The following ADAMTS6 variants were observed in gnomAD, a reference collection of about 807,000 sequenced individuals.
ADAMTS6 encodes ADAM metallopeptidase with thrombospondin type 1 motif 6.
A neutral mutation model predicts 144.3 loss-of-function variants in ADAMTS6; 23 were observed. That is an observed-to-expected ratio of 0.16 (90% confidence interval 0.11 to 0.23). The LOEUF is 0.23. ADAMTS6 is among the 10% of genes least tolerant of loss of function. The pLI is 1.00. For synonymous variants in ADAMTS6, 444 were observed against 457.5 expected (o/e 0.97, Z 0.38); for missense variants, 999 against 1,379.6 (o/e 0.72, Z 4.37).
intron 10 of ADAMTS6, 129 bp from the exon 11 acceptor site, chr5:65,291,599 T>G: frequency 1.0e-6 from 1 of 965,216 alleles, no homozygotes; most frequent in Non-Finnish European, 1.4e-6. Flanking sequence ...TCCCAATAAA[T>G]AATCACATGG....
chr5:65,360,769 A>G (rs1453490264), intron 7 of ADAMTS6, among the ~76,000 whole-genome samples: 1 of 152,216 alleles, frequency 6.6e-6, no homozygotes. Flanking sequence ...TCCGACACCT[A>G]AGAAAAAGAG....
At chr5:65,479,018 T>A (rs1414188694) in intron 1 of ADAMTS6, among the ~76,000 whole-genome samples, 1 of 152,106 alleles carries the variant, frequency 6.6e-6, no homozygotes, top group Non-Finnish European at 1.5e-5. Context: ...GATCGGGGAG[T>A]AGCCAAGGTA....
intron 7 of ADAMTS6, among the ~76,000 whole-genome samples, chr5:65,378,216 A>T (rs1247372610): frequency 6.6e-6 from 1 of 152,198 alleles, no homozygotes; most frequent in Admixed American, 6.5e-5. Flanking sequence ...ATTTCAAATT[A>T]GATGCAGAAC....
At chr5:65,407,786 G>A (rs1320712550) in intron 7 of ADAMTS6, among the ~76,000 whole-genome samples, 2 of 152,128 alleles carry the variant, frequency 1.3e-5, no homozygotes, top group East Asian at 3.9e-4. Flanking sequence ...CTGCTATAAA[G>A]ACACATGCAC....
At chr5:65,245,825 G>C (rs1420396622) in intron 14 of ADAMTS6, among the ~76,000 whole-genome samples, 2 of 152,182 alleles carry the variant, frequency 1.3e-5, no homozygotes, top group East Asian at 3.9e-4. Context: ...GTAAATAAAT[G>C]GCCATGGTTG....
chr5:65,344,737 C>T (rs187206641), intron 7 of ADAMTS6, among the ~76,000 whole-genome samples: 1 of 151,654 alleles, frequency 6.6e-6, no homozygotes, highest in East Asian at 1.9e-4. Context: ...GCCTTATGTC[C>T]ACTCTGTCCT....
intron 7 of ADAMTS6, among the ~76,000 whole-genome samples, chr5:65,360,446 T>G (rs1402997886): frequency 6.6e-6 from 1 of 152,176 alleles, no homozygotes. Context: ...AAGCATATGT[T>G]AATTAGCTTG....
At chr5:65,197,755 G>C (rs890435364) in intron 20 of ADAMTS6, among the ~76,000 whole-genome samples, 3 of 152,062 alleles carry the variant, frequency 2.0e-5, no homozygotes, top group African/African-American at 7.2e-5. Context: ...CTGTTTATTC[G>C]AACAGAGTTG....
chr5:65,257,354 C>A (rs1325965167), intron 14 of ADAMTS6, among the ~76,000 whole-genome samples: 1 of 151,452 alleles, frequency 6.6e-6, no homozygotes, highest in Non-Finnish European at 1.5e-5. Flanking sequence ...ATCTTTAATT[C>A]AAATACATTT....
In ADAMTS6 at chr5:65,450,570, T is replaced by C. The variant is rs150675720; in HGVS notation, c.1073+905A>G. ...ATGCTTCCATTTTGCTTATTGTTTA[T>C]TGTTACTTTTTATTTTAAAATATTG... On this transcript the variant is annotated intron_variant, in intron 7 of 24. Transcript: ENST00000381055. Among the ~76,000 whole-genome samples, 314 of 152,336 alleles carry C rather than the reference T, an allele frequency of 2.1e-3. 2 individuals carry two copies. In the South Asian group the frequency reaches 0.024, roughly 11 times the overall value.
chr5:65,206,353 C>A (rs1284190387), intron 20 of ADAMTS6, among the ~76,000 whole-genome samples: 1 of 152,106 alleles, frequency 6.6e-6, no homozygotes, highest in Admixed American at 6.5e-5. Flanking sequence ...AACGTGGTCC[C>A]ACATCAGGAA....
intron 8 of ADAMTS6, among the ~76,000 whole-genome samples, chr5:65,331,358 C>T (rs930439476): frequency 6.6e-6 from 1 of 151,876 alleles, no homozygotes; most frequent in Admixed American, 6.6e-5. Flanking sequence ...ATTGAGAATT[C>T]TCAATGACTC....
chr5:65,398,778 G>A (rs1241627222), intron 7 of ADAMTS6, among the ~76,000 whole-genome samples: 65 of 44,052 alleles, frequency 1.5e-3, no homozygotes, highest in African/African-American at 7.4e-3. Context: ...AAAGAAGAGA[G>A]AGCAAGAAAG....
At chr5:65,283,679 T>C (rs1032015219) in intron 11 of ADAMTS6, among the ~76,000 whole-genome samples, 2 of 152,158 alleles carry the variant, frequency 1.3e-5, no homozygotes, top group Non-Finnish European at 1.5e-5. Context: ...CCTAAACCTG[T>C]ATAAAACAAC....
intron 11 of ADAMTS6, among the ~76,000 whole-genome samples, chr5:65,290,387 C>A (rs1208461682): frequency 6.6e-6 from 1 of 152,062 alleles, no homozygotes; most frequent in African/African-American, 2.4e-5. Context: ...CCCGTCTCTA[C>A]TAAAAATACA....
chr5:65,408,066 G>A (rs1055572545), intron 7 of ADAMTS6, among the ~76,000 whole-genome samples: 2 of 152,110 alleles, frequency 1.3e-5, no homozygotes, highest in African/African-American at 4.8e-5. Flanking sequence ...AAAGACCATC[G>A]ATGCTAGGAA....
chr5:65,274,925 T>G (rs188946139), intron 11 of ADAMTS6, among the ~76,000 whole-genome samples: 15 of 152,210 alleles, frequency 9.9e-5, no homozygotes, highest in Non-Finnish European at 1.8e-4. Context: ...CCTCGTGATC[T>G]GCCCCCACTT....
chr5:65,451,407 G>T (rs1758729420), intron 7 of ADAMTS6, 68 bp downstream of exon 7: 10 of 1,589,268 alleles, frequency 6.3e-6, no homozygotes, highest in African/African-American at 1.4e-5. Context: ...GCTTTACATA[G>T]AACCAAATTT....
At chr5:65,177,892 T>A (rs1754079845) in intron 22 of ADAMTS6, among the ~76,000 whole-genome samples, 1 of 152,186 alleles carries the variant, frequency 6.6e-6, no homozygotes, top group Non-Finnish European at 1.5e-5. Flanking sequence ...CTTCCAGGAT[T>A]CCACAACCTG....
Sources: allele counts gnomAD v4.1 joint callset (sites outside exome capture counted in the v4.1 genomes callset), GRCh38; gene constraint gnomAD v4.1.1; transcripts MANE v1.5; gene names NCBI Gene and HGNC (gene_info 2026-07-23, HGNC 2026-07-21).